ATOH8: variants seen among roughly 807,000 people sequenced by gnomAD.
ATOH8 encodes the protein transcription factor ATOH8.
In ATOH8, 9 loss-of-function variants were observed where a neutral mutation model predicts 21.2. The ratio of observed to expected loss-of-function variants is 0.42; its 90% CI spans 0.26 to 0.74. The LOEUF (loss-of-function observed/expected upper bound fraction) is 0.74, where lower values mean the gene tolerates loss of function less well. Ranked by LOEUF, ATOH8 falls within the 30% of genes least tolerant of loss-of-function variation. The pLI is 0.24. For missense variants in ATOH8, 524 were observed against 470.9 expected (o/e 1.11, Z -1.04); for synonymous variants, 253 against 224.0 (o/e 1.13, Z -1.16).
At chr2:85,786,763 G>C in intron 2 of ATOH8, 122 bp from the exon 3 acceptor site, 1 of 1,328,478 alleles carries the variant, frequency 7.5e-7, no homozygotes, top group South Asian at 1.2e-5. Context: ...TCCACTTATC[G>C]AACCCTTCAA....
chr2:85,779,694 TCCTAG>T (rs1441747420), intron 2 of ATOH8, among the ~76,000 whole-genome samples: 2 of 152,220 alleles, frequency 1.3e-5, no homozygotes, highest in Non-Finnish European at 2.9e-5. Context: ...CCCTGCTGCA[TCCTAG>T]CAATGTGGCC....
chr2:85,777,234 G>C (rs904997068), intron 2 of ATOH8, among the ~76,000 whole-genome samples: 26 of 152,182 alleles, frequency 1.7e-4, no homozygotes, highest in African/African-American at 6.3e-4. Context: ...GGGCCCCTCG[G>C]TATGGTCTTT....
chr2:85,768,894 G>T (rs1401955902), intron 2 of ATOH8, among the ~76,000 whole-genome samples: 1 of 152,136 alleles, frequency 6.6e-6, no homozygotes, highest in Admixed American at 6.5e-5. Flanking sequence ...GTCAGAGGCC[G>T]CCCAGCAGAG....
intron 2 of ATOH8, among the ~76,000 whole-genome samples, chr2:85,769,090 T>C (rs1680105067): frequency 6.6e-6 from 1 of 152,188 alleles, no homozygotes; most frequent in Non-Finnish European, 1.5e-5. Context: ...GAGGCAGAAC[T>C]GTTCTTCCAC....
intron 2 of ATOH8, among the ~76,000 whole-genome samples, chr2:85,779,602 G>A (rs1573536655): frequency 1.3e-5 from 2 of 152,340 alleles, no homozygotes; most frequent in African/African-American, 4.8e-5. Context: ...GGAGGTGACA[G>A]CTGGCTGGAT....
intron 2 of ATOH8, among the ~76,000 whole-genome samples, chr2:85,768,746 G>A (rs558079464): frequency 2.2e-4 from 34 of 152,262 alleles, no homozygotes; most frequent in African/African-American, 7.5e-4. Flanking sequence ...GCATCCTTCC[G>A]CCCATCTCAG....
chr2:85,783,422 GC>G (rs879506898), intron 2 of ATOH8, among the ~76,000 whole-genome samples: 1 of 152,128 alleles, frequency 6.6e-6, no homozygotes, highest in Admixed American at 6.5e-5. Context: ...CAAAAAATTA[GC>G]CGGGTGTGGT....
chr2:85,762,395 TC>T (rs1234698148), intron 1 of ATOH8, among the ~76,000 whole-genome samples: 4 of 152,232 alleles, frequency 2.6e-5, no homozygotes, highest in Non-Finnish European at 4.4e-5. Flanking sequence ...AGAGTGAAGA[TC>T]CAGAGGGAGA....
chr2:85,785,102 C>T lies in ATOH8; in HGVS notation c.961-1783C>T, dbSNP rs1189782655. 2.6e-5 allele frequency among the ~76,000 whole-genome samples: 4 copies of T among 152,228 alleles called. No homozygotes were observed. The highest frequency in any genetic ancestry group is 4.4e-5 in the Non-Finnish European group (3 of 68,040). ...GGGGCTGGCCCCAGGCTGCCCTGACCGCCTTTACAGCATGCCCAGGAGGAC... is the reference window on the plus strand; with the variant it reads ...GGGGCTGGCCCCAGGCTGCCCTGACTGCCTTTACAGCATGCCCAGGAGGAC... On this transcript the variant is annotated intron_variant, in intron 2 of 2. Transcript: ENST00000306279. This position sits in a 1 kb window ranked among gnomAD's most constrained non-coding sequence, Gnocchi z 4.1.
In ATOH8 at chr2:85,780,825, C is replaced by T. The variant is rs552102338; in HGVS notation, c.961-6060C>T. 443 of 963,750 alleles carry T rather than the reference C, an allele frequency of 4.6e-4. 1 individual carries two copies. In the African/African-American group the frequency reaches 7.3e-3, roughly 16 times the overall value. 59.7% of individuals were successfully genotyped at this position (963,750 alleles called of 1,614,324 possible). A position where few individuals can be genotyped will look rare whatever the true frequency, so the allele number is the denominator to read the frequency against. ...CCTCCAAGCCCGGACACAGCACTAT[C>T]CTCGATTCATGCCATGTTCCCGCCC... On this transcript the variant is annotated intron_variant, in intron 2 of 2. Transcript: ENST00000306279.
intron 1 of ATOH8, among the ~76,000 whole-genome samples, chr2:85,759,109 C>T (rs1043135217): frequency 3.3e-5 from 5 of 152,312 alleles, no homozygotes; most frequent in African/African-American, 1.2e-4. Flanking sequence ...TCCCCTGCTG[C>T]CCCTGGAGCT....
rs1573540419 is a variant in ATOH8, at chr2:85,785,726, G to A, written c.961-1159G>A. Among the ~76,000 whole-genome samples, 1 of 152,220 alleles carries A rather than the reference G, an allele frequency of 6.6e-6. No homozygotes were observed. The highest frequency in any genetic ancestry group is 2.1e-4 in the South Asian group (1 of 4,828). On this transcript the variant is annotated intron_variant, in intron 2 of 2. Coordinates refer to ENST00000306279, the MANE Select transcript of ATOH8 (RefSeq NM_032827.7). The surrounding 1 kb of genome is among the most constrained non-coding windows in gnomAD (Gnocchi z 4.1). ...GGCAACTTCTAGCACTTCCTTCTCG[G>A]AGCCTGGGATTGCTCACTCATGAGA...
At chr2:85,775,017 T>TA in intron 2 of ATOH8, 3 of 985,416 alleles carry the variant, frequency 3.0e-6, no homozygotes, top group Non-Finnish European at 3.6e-6. Flanking sequence ...CATCATGTGA[T>TA]ATGCTTTTAA....
At chr2:85,765,061 G>A (rs115291669) in intron 2 of ATOH8, among the ~76,000 whole-genome samples, 77 of 152,332 alleles carry the variant, frequency 5.1e-4, no homozygotes, top group African/African-American at 1.7e-3. Flanking sequence ...CCAAAGCTCT[G>A]GGCATTCCCA....
rs1374599658 is a variant in ATOH8 at position 85,754,927 on chromosome 2, C to A, written c.738C>A (p.Ile246=). The change falls in exon 1 of 3, where the codon ATC becomes ATA. Residue 246 remains isoleucine, a synonymous_variant. Transcript: ENST00000306279. The stretch of plus-strand genomic sequence containing the variant: ...GGGAGCGGACGCGGGTGCACACCAT[C>A]AGCGCAGCCTTCGAGGCGCTCAGGA... ...NARERTRVHT[I]SAAFEALRKQ... 1 of 1,605,696 alleles carries A rather than the reference C, an allele frequency of 6.2e-7. No homozygotes were observed. Among genetic ancestry groups the A allele is most frequent in the Non-Finnish European group, 8.5e-7 (1 of 1,178,836 alleles).
chr2:85,781,183 A>C (rs1366416989), intron 2 of ATOH8: 1 of 575,030 alleles, frequency 1.7e-6, no homozygotes, highest in African/African-American at 2.0e-5. Flanking sequence ...ACGCATATGC[A>C]TGGGAATAGC....
chr2:85,756,626 C>T (rs901338614), intron 1 of ATOH8, among the ~76,000 whole-genome samples: 1 of 152,196 alleles, frequency 6.6e-6, no homozygotes, highest in Non-Finnish European at 1.5e-5. Flanking sequence ...CTTCATTCAA[C>T]AATCAATTCC....
chr2:85,780,944 C>G, intron 2 of ATOH8: 1 of 987,424 alleles, frequency 1.0e-6, no homozygotes, highest in Non-Finnish European at 1.2e-6. Flanking sequence ...TGGAGGCCGA[C>G]TGGTCCATAC....
At chr2:85,757,786 A>ATTT (rs11398141) in intron 1 of ATOH8, among the ~76,000 whole-genome samples, 17 of 138,702 alleles carry the variant, frequency 1.2e-4, no homozygotes, top group East Asian at 4.2e-4. Flanking sequence ...CTTTCATTTC[A>ATTT]TTTTTTTTTT....
Sources: allele counts gnomAD v4.1 joint callset (sites outside exome capture counted in the v4.1 genomes callset), GRCh38; gene constraint gnomAD v4.1.1; non-coding constraint Gnocchi (gnomAD v3.1); transcripts MANE v1.5; gene names NCBI Gene and HGNC (gene_info 2026-07-23, HGNC 2026-07-21).